TOX: variants seen among roughly 807,000 people sequenced by gnomAD.
The protein encoded by TOX is thymocyte selection associated high mobility group box, also known as thymocyte selection-associated high mobility group box protein TOX.
In TOX, 11 loss-of-function variants were observed where a neutral mutation model predicts 53.7. The ratio of observed to expected loss-of-function variants is 0.20; its 90% CI spans 0.13 to 0.34. TOX has a LOEUF of 0.34. TOX is among the 10% of genes least tolerant of loss of function. The pLI, the probability that TOX is intolerant of heterozygous loss-of-function variation, is 1.00. For synonymous variants in TOX, 225 were observed against 245.3 expected (o/e 0.92, Z 0.77); for missense variants, 570 against 664.6 (o/e 0.86, Z 1.56).
chr8:59,072,494 A>T (rs1161267267), intron 1 of TOX, among the ~76,000 whole-genome samples: 1 of 152,246 alleles, frequency 6.6e-6, no homozygotes, highest in Non-Finnish European at 1.5e-5. Context: ...GATATTAAAA[A>T]TTAATATTTT....
chr8:58,854,113 T>C (rs181674182), intron 3 of TOX, among the ~76,000 whole-genome samples: 121 of 152,340 alleles, frequency 7.9e-4, no homozygotes, highest in Non-Finnish European at 1.2e-3. Flanking sequence ...TTCCAACTTA[T>C]ATGTTTTATA....
At chr8:58,873,436 G>A (rs186739841) in intron 3 of TOX, among the ~76,000 whole-genome samples, 3 of 152,118 alleles carry the variant, frequency 2.0e-5, no homozygotes, top group Admixed American at 6.6e-5. Context: ...TCTGTTGTCC[G>A]TACTACAAAG....
chr8:58,883,606 A>G (rs1245636769), intron 3 of TOX, among the ~76,000 whole-genome samples: 1 of 152,208 alleles, frequency 6.6e-6, no homozygotes, highest in Non-Finnish European at 1.5e-5. Flanking sequence ...GTAGAATAAA[A>G]CTATGATTTT....
intron 1 of TOX, among the ~76,000 whole-genome samples, chr8:59,053,139 T>G (rs1413653899): frequency 6.6e-6 from 1 of 152,198 alleles, no homozygotes; most frequent in Non-Finnish European, 1.5e-5. Flanking sequence ...GATAAAACTT[T>G]TTTTAAAAAA....
chr8:59,072,309 ATCTT>A (rs1804211140), intron 1 of TOX, among the ~76,000 whole-genome samples: 1 of 152,212 alleles, frequency 6.6e-6, no homozygotes, highest in African/African-American at 2.4e-5. Flanking sequence ...GACTAAAAAA[ATCTT>A]TCCGCAATAA....
At chr8:58,971,071 G>T (rs1376030819) in intron 1 of TOX, among the ~76,000 whole-genome samples, 3 of 152,170 alleles carry the variant, frequency 2.0e-5, no homozygotes, top group African/African-American at 7.2e-5. Context: ...AAGCTTCATG[G>T]TACCAAGTGG....
intron 1 of TOX, among the ~76,000 whole-genome samples, chr8:59,010,862 G>C (rs761263020): frequency 6.6e-6 from 1 of 152,214 alleles, no homozygotes; most frequent in African/African-American, 2.4e-5. Context: ...GCATCATTAT[G>C]TATGTCACCT....
At chr8:59,033,178 C>T (rs1241682584) in intron 1 of TOX, among the ~76,000 whole-genome samples, 1 of 152,236 alleles carries the variant, frequency 6.6e-6, no homozygotes, top group Non-Finnish European at 1.5e-5. Context: ...CTCTTAATTC[C>T]AGAGCATGAC....
At chr8:59,070,534 CACACACACACACACAG>C (rs1434496149) in intron 1 of TOX, among the ~76,000 whole-genome samples, 129 of 151,782 alleles carry the variant, frequency 8.5e-4, no homozygotes, top group African/African-American at 3.0e-3. Context: ...CACACACACA[CACACACACACACACAG>C]GGAGACCTAA....
intron 1 of TOX, among the ~76,000 whole-genome samples, chr8:59,061,589 G>A (rs1304906894): frequency 6.6e-6 from 1 of 151,966 alleles, no homozygotes; most frequent in Non-Finnish European, 1.5e-5. Flanking sequence ...GTCACTACTA[G>A]CAAAACCCCC....
At chr8:58,913,441 C>T (rs1262333375) in intron 3 of TOX, among the ~76,000 whole-genome samples, 2 of 152,216 alleles carry the variant, frequency 1.3e-5, no homozygotes, top group Non-Finnish European at 2.9e-5. Context: ...GATACCCCTT[C>T]AAATCTTAGG....
intron 1 of TOX, among the ~76,000 whole-genome samples, chr8:59,081,880 T>A (rs886773953): frequency 2.0e-5 from 3 of 152,224 alleles, no homozygotes; most frequent in African/African-American, 7.2e-5. Flanking sequence ...CTTCCCTAGC[T>A]ACTGTAAGAC....
At chr8:59,107,289 G>A (rs1804931157) in intron 1 of TOX, among the ~76,000 whole-genome samples, 1 of 152,074 alleles carries the variant, frequency 6.6e-6, no homozygotes, top group African/African-American at 2.4e-5. Flanking sequence ...ATTCTTTCCA[G>A]ATGAACCCAG....
In TOX at chr8:58,807,202, G is replaced by T. The variant is rs1809993292; in HGVS notation, c.*545C>A. 6.6e-6 allele frequency: 1 copy of T among 152,530 alleles called. No homozygotes were observed. The highest frequency in any genetic ancestry group is 1.5e-5 in the Non-Finnish European group (1 of 68,018). The allele number at this position is 152,530 out of a possible 1,614,324, so 9.4% of individuals were successfully genotyped here. ...ATCAGTCAGTTGTTTTAAAAATGAA[G>T]TAAAAATATGAATGTTTGCCAATTT... On this transcript the variant is annotated 3_prime_UTR_variant, in exon 9 of 9. Transcript: ENST00000361421.
chr8:58,876,307 T>C (rs1811282418), intron 3 of TOX, among the ~76,000 whole-genome samples: 2 of 152,224 alleles, frequency 1.3e-5, no homozygotes, highest in South Asian at 2.1e-4. Context: ...CTGAATTGGG[T>C]TAATTCAGGC....
At chr8:59,048,669 T>A (rs1803732145) in intron 1 of TOX, among the ~76,000 whole-genome samples, 1 of 152,204 alleles carries the variant, frequency 6.6e-6, no homozygotes. Flanking sequence ...TCTTCCCAGA[T>A]ACATTTTTAA....
rs148968903 is a variant in TOX, at chr8:58,883,057, T to A, written c.412-31252A>T. 2.2e-3 allele frequency among the ~76,000 whole-genome samples: 337 copies of A among 152,368 alleles called. 1 individual carries two copies. Among genetic ancestry groups the A allele is most frequent in the African/African-American group, 7.5e-3 (311 of 41,592 alleles). ...CACCTGCTTTCTACTTTTGTTTTTT[T>A]AATTCTATTTTCTCAGTGATATGTG... On this transcript the variant is annotated intron_variant, in intron 3 of 8. Transcript: ENST00000361421.
At chr8:58,910,179 T>C (rs1299200183) in intron 3 of TOX, among the ~76,000 whole-genome samples, 3 of 152,214 alleles carry the variant, frequency 2.0e-5, no homozygotes. Context: ...GGAATCCATA[T>C]GCAAATCGTA....
intron 3 of TOX, among the ~76,000 whole-genome samples, chr8:58,920,737 G>GAAAAAAAAAAAAAAAA (rs1397497086): frequency 4.2e-5 from 2 of 47,730 alleles, no homozygotes; most frequent in Admixed American, 2.6e-4. Context: ...AAAAAAAAAA[G>GAAAAAAAAAAAAAAAA]AAAAAAAAGA....
Sources: gnomAD v4.1 joint callset for allele counts (sites outside exome capture counted in the v4.1 genomes callset) on GRCh38, gnomAD v4.1.1 for gene constraint, MANE v1.5 for transcripts, NCBI Gene and HGNC (gene_info 2026-07-23, HGNC 2026-07-21) for gene names.